Variants in CA10 observed in about 807,000 individuals in gnomAD.
CA10 encodes the protein carbonic anhydrase-related protein 10.
A neutral mutation model predicts 44.2 loss-of-function variants in CA10; 14 were observed. The observed-to-expected ratio is 0.32, with a 90% CI of 0.21 to 0.50. The LOEUF is 0.50. Among genes scored for constraint, CA10 ranks in the 20% least tolerant of loss-of-function variants. The pLI, the probability that CA10 is intolerant of heterozygous loss-of-function variation, is 0.99. For missense variants in CA10, 350 were observed against 409.7 expected (o/e 0.85, Z 1.26); for synonymous variants, 159 against 141.6 (o/e 1.12, Z -0.87).
intron 3 of CA10, among the ~76,000 whole-genome samples, chr17:51,840,042 A>G (rs932958813): frequency 8.5e-5 from 13 of 152,296 alleles, no homozygotes; most frequent in African/African-American, 3.1e-4. Flanking sequence ...GTTTAAGTAT[A>G]CCTGTTTTGG....
intron 3 of CA10, among the ~76,000 whole-genome samples, chr17:51,905,056 G>A (rs968101047): frequency 6.6e-6 from 1 of 152,076 alleles, no homozygotes; most frequent in African/African-American, 2.4e-5. Flanking sequence ...ATAATTGTAA[G>A]GCATACAAGA....
At chr17:51,913,447 G>T (rs1010435285) in intron 3 of CA10, among the ~76,000 whole-genome samples, 1 of 152,136 alleles carries the variant, frequency 6.6e-6, no homozygotes, top group Admixed American at 6.6e-5. Context: ...CAGGGATCCT[G>T]TTTTAAATTG....
intron 1 of CA10, among the ~76,000 whole-genome samples, chr17:52,102,468 T>C (rs1381151020): frequency 6.6e-6 from 1 of 152,186 alleles, no homozygotes; most frequent in Non-Finnish European, 1.5e-5. Flanking sequence ...CAACCACAAG[T>C]GGAACTTAAC....
At chr17:51,830,822 A>G (rs540662780) in intron 3 of CA10, among the ~76,000 whole-genome samples, 1 of 152,240 alleles carries the variant, frequency 6.6e-6, no homozygotes, top group Non-Finnish European at 1.5e-5. Context: ...TCTTCCCCAT[A>G]TTTTAGTTAA....
intron 4 of CA10, 80 bp from the exon 5 acceptor site, chr17:51,653,816 G>T: frequency 1.3e-6 from 1 of 790,928 alleles, no homozygotes; most frequent in Non-Finnish European, 2.2e-6. Context: ...CCCTACATAA[G>T]GGTGAACTGC....
intron 1 of CA10, among the ~76,000 whole-genome samples, chr17:52,125,955 C>G (rs1165177513): frequency 1.3e-5 from 2 of 152,098 alleles, no homozygotes; most frequent in Admixed American, 6.5e-5. Context: ...TTCATTCTTT[C>G]AACAGCTATT....
intron 1 of CA10, among the ~76,000 whole-genome samples, chr17:52,125,505 T>G (rs1389094269): frequency 6.6e-6 from 1 of 152,028 alleles, no homozygotes; most frequent in Non-Finnish European, 1.5e-5. Context: ...AGCTTAGAGG[T>G]GGGAAGTGGG....
At chr17:51,666,744 A>G (rs944571242) in intron 4 of CA10, among the ~76,000 whole-genome samples, 7 of 152,236 alleles carry the variant, frequency 4.6e-5, no homozygotes, top group African/African-American at 1.7e-4. Flanking sequence ...AGGCACCACA[A>G]ATTATTTAGT....
At chr17:51,836,113 A>G (rs1205167085) in intron 3 of CA10, among the ~76,000 whole-genome samples, 2 of 152,232 alleles carry the variant, frequency 1.3e-5, no homozygotes, top group Admixed American at 6.5e-5. Context: ...TATACCTGTC[A>G]GTGCAGGTTT....
chr17:52,074,912 T>A (rs1348682177), intron 1 of CA10, among the ~76,000 whole-genome samples: 1 of 152,160 alleles, frequency 6.6e-6, no homozygotes, highest in Non-Finnish European at 1.5e-5. Context: ...TTTTGACATG[T>A]TAAAATTATA....
intron 2 of CA10, among the ~76,000 whole-genome samples, chr17:51,954,982 G>T (rs1983612988): frequency 6.6e-6 from 1 of 152,246 alleles, no homozygotes; most frequent in Admixed American, 6.5e-5. Flanking sequence ...ATTCACAAAA[G>T]AGATAGGAAG....
At chr17:51,881,358 T>C (rs1483263925) in intron 3 of CA10, among the ~76,000 whole-genome samples, 2 of 152,134 alleles carry the variant, frequency 1.3e-5, no homozygotes, top group East Asian at 1.9e-4. Flanking sequence ...ATAATGTTTT[T>C]ATAATCTTAT....
chr17:51,795,363 T>C (rs1906666895), intron 3 of CA10, among the ~76,000 whole-genome samples: 1 of 152,220 alleles, frequency 6.6e-6, no homozygotes, highest in Non-Finnish European at 1.5e-5. Flanking sequence ...TTCTCACTAA[T>C]GTGTTCTGAT....
chr17:52,139,936 C>T (rs1008513674), intron 1 of CA10, among the ~76,000 whole-genome samples: 5 of 152,126 alleles, frequency 3.3e-5, no homozygotes, highest in South Asian at 2.1e-4. Flanking sequence ...AATTATCAAA[C>T]GAAAGAATAA....
At chr17:51,959,485 G>A (rs1983801176) in intron 2 of CA10, among the ~76,000 whole-genome samples, 1 of 152,052 alleles carries the variant, frequency 6.6e-6, no homozygotes, top group African/African-American at 2.4e-5. Context: ...AGAGAGTGAA[G>A]AGAAATCATG....
intron 2 of CA10, among the ~76,000 whole-genome samples, chr17:52,004,796 C>T (rs1029090006): frequency 1.8e-4 from 28 of 151,646 alleles, no homozygotes; most frequent in African/African-American, 5.6e-4. Flanking sequence ...ATAGTGAAAA[C>T]GCAAAATGAA....
At position 51,863,228 on chromosome 17, in the gene CA10, G is replaced by A. The variant is rs1979393041; in HGVS notation, c.279+67762C>T. ...TACTACTGTTGTTGTTATCATCATC[G>A]ATTCCGATAGGACAAGGATGAATCT... is the stretch of plus-strand genomic sequence containing the variant. On this transcript the variant is annotated intron_variant, in intron 3 of 8. Coordinates refer to ENST00000451037, the MANE Select transcript of CA10 (RefSeq NM_020178.5). Among the ~76,000 whole-genome samples, 6 of 152,104 alleles carry A rather than the reference G, an allele frequency of 3.9e-5. No homozygotes were observed. In the South Asian group the frequency reaches 1.2e-3, roughly 32 times the overall value.
intron 4 of CA10, among the ~76,000 whole-genome samples, chr17:51,706,239 G>T (rs1229627232): frequency 6.6e-6 from 1 of 152,192 alleles, no homozygotes; most frequent in African/African-American, 2.4e-5. Context: ...GAAAGCTGTT[G>T]TCAGTGAGAT....
chr17:51,876,489 T>C (rs1307013661), intron 3 of CA10, among the ~76,000 whole-genome samples: 2 of 151,928 alleles, frequency 1.3e-5, no homozygotes, highest in Non-Finnish European at 2.9e-5. Context: ...GCAGTTTTTA[T>C]TTCTTTAGTG....
Sources: gnomAD v4.1 joint callset for allele counts (sites outside exome capture counted in the v4.1 genomes callset) on GRCh38, gnomAD v4.1.1 for gene constraint, MANE v1.5 for transcripts, NCBI Gene and HGNC (gene_info 2026-07-23, HGNC 2026-07-21) for gene names.